ZHX3: variants seen among roughly 807,000 people sequenced by gnomAD.
The protein encoded by ZHX3 is zinc fingers and homeoboxes 3, also known as zinc fingers and homeoboxes protein 3.
In ZHX3, 20 loss-of-function variants were observed where a neutral mutation model predicts 64.5. The observed-to-expected ratio is 0.31, with a 90% CI of 0.22 to 0.45. The LOEUF is 0.45. ZHX3 is among the 20% of genes least tolerant of loss of function. The pLI is 1.00. For synonymous variants in ZHX3, 423 were observed against 461.6 expected (o/e 0.92, Z 1.07); for missense variants, 1,041 against 1,195.8 (o/e 0.87, Z 1.91).
chr20:41,246,272 T>C (rs1027205189), intron 2 of ZHX3, among the ~76,000 whole-genome samples: 1 of 152,246 alleles, frequency 6.6e-6, no homozygotes, highest in Non-Finnish European at 1.5e-5. Context: ...ACACATTTAC[T>C]AAAATTTACA....
rs1568855908 is a variant in ZHX3, at chr20:41,226,869, G to A, written c.-150-21803C>T. ...CCCCAGGTCTGAGCAGAATGAAGCT[G>A]CAGGTACTCAGGGTCTAAGCCCCCT... On this transcript the variant is annotated intron_variant, in intron 2 of 3. Coordinates refer to ENST00000683867, the MANE Select transcript of ZHX3 (RefSeq NM_001384317.1). This position sits in a 1 kb window ranked among gnomAD's most constrained non-coding sequence, Gnocchi z 4.4. Among the ~76,000 whole-genome samples, 1 of 152,334 alleles carries A rather than the reference G, an allele frequency of 6.6e-6. No homozygotes were observed. Among genetic ancestry groups the A allele is most frequent in the South Asian group, 2.1e-4 (1 of 4,828 alleles).
Position 41,185,424 on chromosome 20 carries a change from C to G in ZHX3, c.2861-223G>C. On this transcript the variant is annotated intron_variant, in intron 3 of 3. Coordinates refer to ENST00000683867, the MANE Select transcript of ZHX3 (RefSeq NM_001384317.1). The surrounding 1 kb of genome is among the most constrained non-coding windows in gnomAD (Gnocchi z 5.0). ...CAACCTTGTAAGGCCATCAGACTCTCTGAGAGACCCTGCTAAACCCTAGGC... is the reference window on the plus strand; with the variant it reads ...CAACCTTGTAAGGCCATCAGACTCTGTGAGAGACCCTGCTAAACCCTAGGC... The G allele has an allele frequency of 1.6e-6, 1 of 609,242 alleles. No homozygotes were observed. Among genetic ancestry groups the G allele is most frequent in the South Asian group, 2.0e-5 (1 of 49,130 alleles). The allele number at this position is 609,242 out of a possible 1,614,324, so 37.7% of individuals were successfully genotyped here. A position where few individuals can be genotyped will look rare whatever the true frequency, so the allele number is the denominator to read the frequency against.
intron 2 of ZHX3, among the ~76,000 whole-genome samples, chr20:41,249,251 C>A (rs1318920604): frequency 6.6e-6 from 1 of 151,592 alleles, no homozygotes; most frequent in Non-Finnish European, 1.5e-5. Flanking sequence ...AAAAAAAAAT[C>A]TCATAGTTAA....
In ZHX3 at chr20:41,195,359, T is replaced by C. The variant is rs936979618; in HGVS notation, c.2860+6698A>G. ...TCAAACTCCTGGCCTCAAGTGATCC[T>C]CCTGCCTTGGCCTCCCAAAGCACTG... is the stretch of plus-strand genomic sequence containing the variant. On this transcript the variant is annotated intron_variant, in intron 3 of 3. Transcript: ENST00000683867. This position sits in a 1 kb window ranked among gnomAD's most constrained non-coding sequence, Gnocchi z 4.2. Among the ~76,000 whole-genome samples, 4 of 152,144 alleles carry C rather than the reference T, an allele frequency of 2.6e-5. No homozygotes were observed. The highest frequency in any genetic ancestry group is 9.7e-5 in the African/African-American group (4 of 41,434).
intron 2 of ZHX3, among the ~76,000 whole-genome samples, chr20:41,218,968 C>T (rs1446879960): frequency 3.2e-5 from 4 of 124,422 alleles, no homozygotes; most frequent in Non-Finnish European, 3.1e-5. Flanking sequence ...CTCGCTCTGT[C>T]GCCTAGGCTG....
At chr20:41,278,447 T>C (rs2146672436) in intron 1 of ZHX3, among the ~76,000 whole-genome samples, 1 of 141,198 alleles carries the variant, frequency 7.1e-6, no homozygotes, top group South Asian at 2.5e-4. Flanking sequence ...ACATGCACAA[T>C]TTTAACCATA....
rs2866372 is a variant in ZHX3, at chr20:41,212,451, C to T, written c.-150-7385G>A. Among the ~76,000 whole-genome samples the T allele has an allele frequency of 0.56, 85,222 of 151,934 alleles. 24,884 individuals are homozygous for T. Among genetic ancestry groups the T allele is most frequent in the East Asian group, 0.82 (4,264 of 5,184 alleles). On this transcript the variant is annotated intron_variant, in intron 2 of 3. Transcript: ENST00000683867. The surrounding 1 kb of genome is among the most constrained non-coding windows in gnomAD (Gnocchi z 4.3). ...TGATGAAAATGTAAAATGGTATAGC[C>T]ACTTTGGAAAACTGTTTGGCAAACA... is the stretch of plus-strand genomic sequence containing the variant.
At position 41,204,815 on chromosome 20, in the gene ZHX3, A is replaced by C; in HGVS notation, c.102T>G (p.Pro34=). ...SMEAQPAETL[P]EGPQQDLPPE... Reference sequence around the variant, plus strand: ...GGGGCAGATCCTGCTGGGGTCCTTCAGGCAAGGTCTCAGCGGGCTGGGCCT... The same window carrying C: ...GGGGCAGATCCTGCTGGGGTCCTTCCGGCAAGGTCTCAGCGGGCTGGGCCT... Residue 34 remains proline (P), a synonymous_variant, in exon 3 of 4, where the codon CCT becomes CCG. Transcript: ENST00000683867. The surrounding 1 kb of genome is among the most constrained non-coding windows in gnomAD (Gnocchi z 6.6). 6.2e-7 allele frequency: 1 copy of C among 1,612,016 alleles called. No individual in the cohort carries two copies. The highest frequency in any genetic ancestry group is 8.5e-7 in the Non-Finnish European group (1 of 1,178,696).
chr20:41,261,123 G>C (rs1343471016), intron 2 of ZHX3, among the ~76,000 whole-genome samples: 1 of 152,172 alleles, frequency 6.6e-6, no homozygotes, highest in Non-Finnish European at 1.5e-5. Context: ...CATTAGCAAA[G>C]AGGATCCCTG....
At chr20:41,269,241 CAAACTAGCAATTTGA>C (rs956514357) in intron 1 of ZHX3, among the ~76,000 whole-genome samples, 158 bp from the exon 2 acceptor site, 1 of 152,132 alleles carries the variant, frequency 6.6e-6, no homozygotes, top group Non-Finnish European at 1.5e-5. Context: ...TATCAAAATA[CAAACTAGCAATTTGA>C]AACTATTAAA....
Position 41,219,409 on chromosome 20 carries a change from C to T in ZHX3, c.-150-14343G>A, listed in dbSNP as rs987841122. Among the ~76,000 whole-genome samples the T allele has an allele frequency of 1.3e-5, 2 of 152,182 alleles. No individual in the cohort carries two copies. Among genetic ancestry groups the T allele is most frequent in the African/African-American group, 4.8e-5 (2 of 41,430 alleles). ...AGAGATCATATATTCTAACCACTCA[C>T]CTTTGCATGAATTTTACCTTAAGTA... is the stretch of plus-strand genomic sequence containing the variant. On this transcript the variant is annotated intron_variant, in intron 2 of 3. Coordinates refer to ENST00000683867, the MANE Select transcript of ZHX3 (RefSeq NM_001384317.1). This position sits in a 1 kb window ranked among gnomAD's most constrained non-coding sequence, Gnocchi z 5.0.
At chr20:41,289,390 CT>C (rs765834948) in intron 1 of ZHX3, among the ~76,000 whole-genome samples, 3 of 152,076 alleles carry the variant, frequency 2.0e-5, no homozygotes, top group Non-Finnish European at 4.4e-5. Flanking sequence ...GTAACTATGC[CT>C]CCCATTTCTA....
chr20:41,223,568 G>A (rs767057983), intron 2 of ZHX3, among the ~76,000 whole-genome samples: 9 of 152,268 alleles, frequency 5.9e-5, no homozygotes, highest in Non-Finnish European at 1.0e-4. Context: ...GCAAAGCACA[G>A]AATAAAAATT....
intron 1 of ZHX3, among the ~76,000 whole-genome samples, chr20:41,300,387 G>C (rs1267355542): frequency 6.6e-6 from 1 of 152,024 alleles, no homozygotes; most frequent in Non-Finnish European, 1.5e-5. Context: ...CCAGCCTTCA[G>C]ACCCAGTGAG....
At position 41,232,721 on chromosome 20, in the gene ZHX3, G is replaced by T. The variant is rs112743667; in HGVS notation, c.-150-27655C>A. 6.6e-6 allele frequency among the ~76,000 whole-genome samples: 1 copy of T among 151,994 alleles called. No individual in the cohort carries two copies. Among genetic ancestry groups the T allele is most frequent in the Admixed American group, 6.6e-5 (1 of 15,254 alleles). ...TCTCCTGCCTCAGCCTCCCGCGGGG[G>T]ACTACAGGCGCCCACCACCTCGCCC... is the stretch of plus-strand genomic sequence containing the variant. On this transcript the variant is annotated intron_variant, in intron 2 of 3. Coordinates refer to ENST00000683867, the MANE Select transcript of ZHX3 (RefSeq NM_001384317.1). This position sits in a 1 kb window ranked among gnomAD's most constrained non-coding sequence, Gnocchi z 5.0.
rs2036252330 is a variant in ZHX3 at position 41,181,545 on chromosome 20, C to T, written c.*3646G>A. 1 of 152,134 alleles carries T rather than the reference C, an allele frequency of 6.6e-6. No individual in the cohort carries two copies. Among genetic ancestry groups the T allele is most frequent in the Non-Finnish European group, 1.5e-5 (1 of 68,046 alleles). The allele number at this position is 152,134 out of a possible 1,614,324, so 9.4% of individuals were successfully genotyped here. On this transcript the variant is annotated 3_prime_UTR_variant, in exon 4 of 4. Coordinates refer to ENST00000683867, the MANE Select transcript of ZHX3 (RefSeq NM_001384317.1). ...CTGAGGATATTGGTCCAAAAAGAGA[C>T]AAGAGACCACGAGGCTCAAGCAGAG...
chr20:41,181,391 GA>G lies in ZHX3; in HGVS notation c.*3799del, dbSNP rs1438415852. On this transcript the variant is annotated 3_prime_UTR_variant, in exon 4 of 4. Coordinates refer to ENST00000683867, the MANE Select transcript of ZHX3 (RefSeq NM_001384317.1). ...GGTAAACTCTGAGCAAGAAAAAAGA[GA>G]AGATGACTTTAGGAAAATCCTAAAC... 6.6e-6 allele frequency: 1 copy of G among 152,226 alleles called. No individual in the cohort carries two copies. The highest frequency in any genetic ancestry group is 2.4e-5 in the African/African-American group (1 of 41,458). The allele number at this position is 152,226 out of a possible 1,614,324, so 9.4% of individuals were successfully genotyped here.
At chr20:41,279,336 C>T (rs1396071446) in intron 1 of ZHX3, among the ~76,000 whole-genome samples, 1 of 152,100 alleles carries the variant, frequency 6.6e-6, no homozygotes, top group African/African-American at 2.4e-5. Context: ...CCCACCACAA[C>T]CCCCGCTCCA....
intron 2 of ZHX3, among the ~76,000 whole-genome samples, chr20:41,266,856 T>C (rs1426998155): frequency 2.2e-5 from 3 of 138,780 alleles, no homozygotes; most frequent in Non-Finnish European, 4.7e-5. Flanking sequence ...TTTTTTTTTT[T>C]TTTTTTTTTT....
Sources: gnomAD v4.1 joint callset for allele counts (sites outside exome capture counted in the v4.1 genomes callset) on GRCh38, gnomAD v4.1.1 for gene constraint, Gnocchi (gnomAD v3.1) non-coding constraint, MANE v1.5 for transcripts, NCBI Gene and HGNC (gene_info 2026-07-23, HGNC 2026-07-21) for gene names.